The following GRIK2 variants were observed in gnomAD, a reference collection of about 807,000 sequenced individuals.
GRIK2 encodes glutamate receptor ionotropic, kainate 2.
In GRIK2, 32 loss-of-function variants were observed where a neutral mutation model predicts 100.3. The observed-to-expected ratio is 0.32, with a 90% CI of 0.24 to 0.43. The LOEUF (loss-of-function observed/expected upper bound fraction) is 0.43. Among genes scored for constraint, GRIK2 ranks in the 20% least tolerant of loss-of-function variants. The probability of loss-of-function intolerance (pLI) is 1.00; values close to 1 mark genes in which losing one functional copy is unlikely to be tolerated. For synonymous variants in GRIK2, 417 were observed against 389.4 expected (o/e 1.07, Z -0.83); for missense variants, 843 against 1,114.9 (o/e 0.76, Z 3.47).
At chr6:101,761,865 T>C (rs1777713497) in intron 7 of GRIK2, among the ~76,000 whole-genome samples, 1 of 131,286 alleles carries the variant, frequency 7.6e-6, no homozygotes, top group South Asian at 2.8e-4. Flanking sequence ...TCCTTTCCTT[T>C]CCCCTCCCTT....
chr6:101,486,370 AG>A (rs1179802767), intron 2 of GRIK2, among the ~76,000 whole-genome samples: 1 of 70,778 alleles, frequency 1.4e-5, no homozygotes, highest in African/African-American at 5.3e-5. Flanking sequence ...GCAGCAGGTA[AG>A]GTTGCATGAG....
intron 4 of GRIK2, among the ~76,000 whole-genome samples, chr6:101,636,170 T>C (rs895126882): frequency 2.6e-5 from 4 of 151,684 alleles, no homozygotes; most frequent in Non-Finnish European, 5.9e-5. Flanking sequence ...TATGCAGCCA[T>C]AAAAAAAAGG....
At chr6:102,042,012 C>A (rs1770606717) in intron 15 of GRIK2, among the ~76,000 whole-genome samples, 1 of 151,508 alleles carries the variant, frequency 6.6e-6, no homozygotes. Flanking sequence ...ATCAGCCAAT[C>A]AGTATATTGT....
At chr6:101,928,704 G>A (rs1048007333) in intron 14 of GRIK2, 72 bp downstream of exon 14, 4 of 769,062 alleles carry the variant, frequency 5.2e-6, no homozygotes, top group Admixed American at 1.8e-5. Flanking sequence ...ATTCACAAAT[G>A]TAAGAGTGTA....
chr6:101,955,754 G>A (rs1791895767), intron 14 of GRIK2, among the ~76,000 whole-genome samples: 1 of 151,442 alleles, frequency 6.6e-6, no homozygotes, highest in Non-Finnish European at 1.5e-5. Context: ...CTGTTAGATT[G>A]TAGGCAATCA....
chr6:101,788,315 C>G (rs1162132158), intron 7 of GRIK2, among the ~76,000 whole-genome samples: 1 of 151,856 alleles, frequency 6.6e-6, no homozygotes, highest in African/African-American at 2.4e-5. Context: ...CCCATTAACT[C>G]GTCATTTAGC....
chr6:101,902,166 A>G (rs1787893310), intron 12 of GRIK2, among the ~76,000 whole-genome samples: 1 of 152,048 alleles, frequency 6.6e-6, no homozygotes, highest in Admixed American at 6.6e-5. Flanking sequence ...ATATCAAACT[A>G]CCAATGGGAG....
intron 2 of GRIK2, among the ~76,000 whole-genome samples, chr6:101,572,505 G>C (rs1777585518): frequency 6.6e-6 from 1 of 152,052 alleles, no homozygotes; most frequent in Non-Finnish European, 1.5e-5. Context: ...ATTAAAAAGA[G>C]GGGAACAAAT....
At chr6:101,624,444 C>A (rs1330267953) in intron 3 of GRIK2, among the ~76,000 whole-genome samples, 1 of 152,004 alleles carries the variant, frequency 6.6e-6, no homozygotes, top group African/African-American at 2.4e-5. Flanking sequence ...TTATTTAGAT[C>A]ATATTGATTT....
intron 10 of GRIK2, among the ~76,000 whole-genome samples, chr6:101,821,716 A>T (rs975969398): frequency 1.3e-5 from 2 of 152,158 alleles, no homozygotes; most frequent in Admixed American, 1.3e-4. Flanking sequence ...AGTAAAGAAC[A>T]GATTTGAAGA....
At chr6:101,794,935 G>C (rs78510763) in intron 7 of GRIK2, among the ~76,000 whole-genome samples, 4 of 147,666 alleles carry the variant, frequency 2.7e-5, no homozygotes, top group Non-Finnish European at 4.5e-5. Context: ...GCGCCATCTT[G>C]GCTGACTGCA....
At chr6:101,815,967 A>G (rs1781606380) in intron 9 of GRIK2, among the ~76,000 whole-genome samples, 1 of 152,200 alleles carries the variant, frequency 6.6e-6, no homozygotes, top group Non-Finnish European at 1.5e-5. Context: ...CAGAACTCCA[A>G]AAAAACTAGA....
At chr6:101,744,938 G>C (rs1776335697) in intron 7 of GRIK2, 1 of 152,032 alleles carries the variant, frequency 6.6e-6, no homozygotes, top group Non-Finnish European at 1.5e-5. Flanking sequence ...CCATATGTTT[G>C]CAACTGCAAA....
chr6:101,874,380 C>A (rs1281915706), intron 11 of GRIK2, among the ~76,000 whole-genome samples: 1 of 152,042 alleles, frequency 6.6e-6, no homozygotes, highest in African/African-American at 2.4e-5. Context: ...TTGTTTTTGT[C>A]AGGTTTGTCA....
intron 7 of GRIK2, among the ~76,000 whole-genome samples, chr6:101,795,268 G>T (rs1005708626): frequency 1.3e-5 from 2 of 152,100 alleles, no homozygotes; most frequent in Non-Finnish European, 2.9e-5. Flanking sequence ...TTGATTATAG[G>T]GTTAGCAGTA....
intron 2 of GRIK2, among the ~76,000 whole-genome samples, chr6:101,568,809 A>G (rs889185861): frequency 6.6e-6 from 1 of 152,076 alleles, no homozygotes; most frequent in Non-Finnish European, 1.5e-5. Context: ...TTGGTTTTTT[A>G]AAAATTCTGA....
At chr6:101,762,659 T>C (rs1374642211) in intron 7 of GRIK2, among the ~76,000 whole-genome samples, 1 of 152,228 alleles carries the variant, frequency 6.6e-6, no homozygotes, top group African/African-American at 2.4e-5. Context: ...ATTTGCCTGG[T>C]CTAGTTTGAT....
intron 10 of GRIK2, among the ~76,000 whole-genome samples, chr6:101,855,053 G>C (rs9377315): frequency 0.05 from 7,562 of 152,154 alleles, 375 homozygotes; most frequent in East Asian, 0.24. Context: ...TAAAACAACA[G>C]GTAAAGGGCT....
chr6:101,453,259 T>A (rs934478031), intron 2 of GRIK2, among the ~76,000 whole-genome samples: 1 of 151,870 alleles, frequency 6.6e-6, no homozygotes, highest in Admixed American at 6.6e-5. Flanking sequence ...TTCAGATTTA[T>A]CCATCCCTGG....
Sources: allele counts gnomAD v4.1 joint callset (sites outside exome capture counted in the v4.1 genomes callset), GRCh38; gene constraint gnomAD v4.1.1; transcripts MANE v1.5; gene names NCBI Gene and HGNC (gene_info 2026-07-23, HGNC 2026-07-21).